The following UBAP1 variants were observed in gnomAD, a reference collection of about 807,000 sequenced individuals.
UBAP1 encodes the protein ubiquitin-associated protein 1.
UBAP1 carries 5 observed loss-of-function variants against 39.0 expected under a neutral mutation model. The ratio of observed to expected loss-of-function variants is 0.13; its 90% CI spans 0.07 to 0.27. The LOEUF (loss-of-function observed/expected upper bound fraction) is 0.27. UBAP1 is among the 10% of genes least tolerant of loss of function. UBAP1 has a pLI of 1.00. For missense variants in UBAP1, 490 were observed against 608.1 expected (o/e 0.81, Z 2.04); for synonymous variants, 211 against 225.1 (o/e 0.94, Z 0.56).
chr9:34,208,263 C>G (rs920072807), intron 1 of UBAP1, among the ~76,000 whole-genome samples: 1 of 151,820 alleles, frequency 6.6e-6, no homozygotes, highest in African/African-American at 2.4e-5. Flanking sequence ...TTTATATATT[C>G]AATTTTTCCG....
chr9:34,182,663 CT>C (rs770262556), intron 1 of UBAP1, among the ~76,000 whole-genome samples: 1 of 62,754 alleles, frequency 1.6e-5, no homozygotes, highest in African/African-American at 4.4e-5. Flanking sequence ...TTCTTTCTTT[CT>C]TTCTTTCTTT....
At chr9:34,211,620 C>T (rs778091318) in intron 1 of UBAP1, among the ~76,000 whole-genome samples, 4 of 152,102 alleles carry the variant, frequency 2.6e-5, no homozygotes, top group African/African-American at 4.8e-5. Flanking sequence ...GGGCTTTCTC[C>T]TCCCCTTCTC....
chr9:34,215,966 T>TCTA (rs1385477601), intron 1 of UBAP1, among the ~76,000 whole-genome samples: 134 of 152,086 alleles, frequency 8.8e-4, no homozygotes, highest in African/African-American at 3.0e-3. Context: ...GGGAAAAAAA[T>TCTA]ATTTTATCAG....
At chr9:34,224,084 G>A in intron 2 of UBAP1, 1 of 684,790 alleles carries the variant, frequency 1.5e-6, no homozygotes, top group African/African-American at 1.8e-5. Flanking sequence ...CGGCCTTGAA[G>A]TGATGCACGC....
intron 1 of UBAP1, among the ~76,000 whole-genome samples, chr9:34,194,416 G>A (rs953095574): frequency 7.3e-5 from 11 of 151,554 alleles, no homozygotes; most frequent in African/African-American, 2.4e-4. Flanking sequence ...CCAGGTTCAC[G>A]CCATTCTCCT....
intron 5 of UBAP1, among the ~76,000 whole-genome samples, chr9:34,250,203 C>T (rs1834403440): frequency 6.6e-6 from 1 of 152,214 alleles, no homozygotes; most frequent in African/African-American, 2.4e-5. Flanking sequence ...CAACTACCCC[C>T]TCCTTTCTCT....
chr9:34,193,062 C>A (rs987537308), intron 1 of UBAP1, among the ~76,000 whole-genome samples: 7 of 152,116 alleles, frequency 4.6e-5, no homozygotes, highest in East Asian at 1.9e-4. Flanking sequence ...ATTCCCAGAA[C>A]TTTGGGAGGC....
intron 4 of UBAP1, 87 bp downstream of exon 4, chr9:34,242,195 G>C: frequency 7.4e-7 from 1 of 1,358,370 alleles, no homozygotes; most frequent in Non-Finnish European, 1.0e-6. Flanking sequence ...GATTTTTTTC[G>C]AGACAGGGTC....
At chr9:34,183,458 T>C (rs1446944019) in intron 1 of UBAP1, among the ~76,000 whole-genome samples, 1 of 149,380 alleles carries the variant, frequency 6.7e-6, no homozygotes, top group African/African-American at 2.5e-5. Context: ...GGCAGGAGAA[T>C]GGCGTGAACC....
At chr9:34,194,752 A>G (rs977080147) in intron 1 of UBAP1, among the ~76,000 whole-genome samples, 2 of 152,180 alleles carry the variant, frequency 1.3e-5, no homozygotes, top group Non-Finnish European at 2.9e-5. Context: ...GCATTATCTC[A>G]TTTGATCCTT....
chr9:34,185,917 C>T (rs1396276275), intron 1 of UBAP1, among the ~76,000 whole-genome samples: 2 of 152,150 alleles, frequency 1.3e-5, no homozygotes, highest in Non-Finnish European at 2.9e-5. Context: ...TTGTGTTATG[C>T]GTGCTTTTTA....
chr9:34,222,691 G>A (rs1374152191), intron 2 of UBAP1, among the ~76,000 whole-genome samples: 1 of 152,046 alleles, frequency 6.6e-6, no homozygotes, highest in Admixed American at 6.6e-5. Context: ...CAGCTACTCG[G>A]GAGGCTGAGA....
chr9:34,221,044 C>A, intron 2 of UBAP1, 96 bp downstream of exon 2: 1 of 1,089,708 alleles, frequency 9.2e-7, no homozygotes, highest in Non-Finnish European at 1.4e-6. Flanking sequence ...CCCTTTTTGT[C>A]TCTTTTAATG....
chr9:34,222,949 G>A (rs1832839990), intron 2 of UBAP1, among the ~76,000 whole-genome samples: 1 of 152,092 alleles, frequency 6.6e-6, no homozygotes, highest in Non-Finnish European at 1.5e-5. Flanking sequence ...AGAGAAAATA[G>A]CAAAAATGAA....
intron 1 of UBAP1, among the ~76,000 whole-genome samples, chr9:34,196,692 G>A (rs969603963): frequency 6.6e-6 from 1 of 151,758 alleles, no homozygotes; most frequent in Non-Finnish European, 1.5e-5. Context: ...TGATCCTCCT[G>A]TCTCAGCCTC....
chr9:34,227,777 C>T (rs1283159955), intron 2 of UBAP1, among the ~76,000 whole-genome samples: 1 of 152,146 alleles, frequency 6.6e-6, no homozygotes, highest in Non-Finnish European at 1.5e-5. Context: ...GGAAGATTTT[C>T]AGTAATAAGG....
chr9:34,215,756 C>T (rs1337916565), intron 1 of UBAP1, among the ~76,000 whole-genome samples: 2 of 150,580 alleles, frequency 1.3e-5, no homozygotes, highest in Non-Finnish European at 2.9e-5. Flanking sequence ...TATATGTACA[C>T]ACACACACAC....
chr9:34,241,517 C>T lies in UBAP1; in HGVS notation c.492C>T (p.Asp164=), dbSNP rs777166941. Residue 164 remains aspartate (D), a synonymous_variant, in exon 4 of 7, where the codon GAC becomes GAT. Transcript: ENST00000297661. The part of the protein sequence containing the change: ...FNLADFECEE[D]PFDNLELKTI... Reference sequence around the variant, plus strand: ...TTGCTGACTTTGAGTGTGAAGAAGACCCATTTGATAATCTGGAGTTAAAAA... The same window carrying T: ...TTGCTGACTTTGAGTGTGAAGAAGATCCATTTGATAATCTGGAGTTAAAAA... 1.9e-6 allele frequency: 3 copies of T among 1,613,950 alleles called. No homozygotes were observed. Among genetic ancestry groups the T allele is most frequent in the Non-Finnish European group, 2.5e-6 (3 of 1,180,028 alleles).
chr9:34,195,719 TC>T (rs1178599908), intron 1 of UBAP1, among the ~76,000 whole-genome samples: 2 of 147,834 alleles, frequency 1.4e-5, no homozygotes, highest in African/African-American at 4.9e-5. Flanking sequence ...TGCCTCAGCC[TC>T]CCGAGTAGCT....
Sources: allele counts gnomAD v4.1 joint callset (sites outside exome capture counted in the v4.1 genomes callset), GRCh38; gene constraint gnomAD v4.1.1; transcripts MANE v1.5; gene names NCBI Gene and HGNC (gene_info 2026-07-23, HGNC 2026-07-21).